Variants in SLC25A42 observed in about 807,000 individuals in gnomAD.
SLC25A42 encodes the protein solute carrier family 25 member 42.
In SLC25A42, 19 loss-of-function variants were observed where a neutral mutation model predicts 34.7. The ratio of observed to expected loss-of-function variants is 0.55; its 90% CI spans 0.38 to 0.80. The LOEUF (loss-of-function observed/expected upper bound fraction) is 0.80. Among genes scored for constraint, SLC25A42 ranks in the 30% least tolerant of loss-of-function variants. SLC25A42 has a pLI of 0.00. For synonymous variants in SLC25A42, 205 were observed against 191.2 expected (o/e 1.07, Z -0.59); for missense variants, 364 against 441.3 (o/e 0.82, Z 1.57).
At chr19:19,068,658 ACT>A (rs1035622190) in intron 1 of SLC25A42, among the ~76,000 whole-genome samples, 3 of 148,936 alleles carry the variant, frequency 2.0e-5, no homozygotes, top group African/African-American at 7.5e-5. Context: ...ACAGGGCAAG[ACT>A]CTGTCTCAAG....
At chr19:19,087,002 T>G (rs1233446605) in intron 1 of SLC25A42, among the ~76,000 whole-genome samples, 1 of 151,546 alleles carries the variant, frequency 6.6e-6, no homozygotes, top group Admixed American at 6.6e-5. Context: ...GAGGGTGAGG[T>G]TACCAGTAAT....
intron 1 of SLC25A42, among the ~76,000 whole-genome samples, chr19:19,085,394 T>A (rs2059702537): frequency 6.6e-6 from 1 of 151,764 alleles, no homozygotes; most frequent in South Asian, 2.1e-4. Context: ...CTTTTTTTTT[T>A]TTTTGGAGAA....
chr19:19,098,260 CT>C (rs2145917857), intron 2 of SLC25A42, among the ~76,000 whole-genome samples: 1 of 152,292 alleles, frequency 6.6e-6, no homozygotes, highest in South Asian at 2.1e-4. Flanking sequence ...CCACTGGTGG[CT>C]ACCTGGAGAG....
At chr19:19,110,421 G>C in intron 7 of SLC25A42, 148 bp from the exon 8 acceptor site, 1 of 545,348 alleles carries the variant, frequency 1.8e-6, no homozygotes. Flanking sequence ...GCGTGTGGGT[G>C]CGCATGAGTG....
chr19:19,069,460 G>A (rs1431629157), intron 1 of SLC25A42, among the ~76,000 whole-genome samples: 2 of 152,194 alleles, frequency 1.3e-5, no homozygotes, highest in Admixed American at 1.3e-4. Context: ...AATGTATCCT[G>A]TCGTAGTTGT....
chr19:19,110,529 TCG>T, intron 7 of SLC25A42, 38 bp from the exon 8 acceptor site: 1 of 1,372,588 alleles, frequency 7.3e-7, no homozygotes, highest in Non-Finnish European at 9.3e-7. Context: ...GCGCGCCCCC[TCG>T]CGGCGCCTTC....
intron 1 of SLC25A42, among the ~76,000 whole-genome samples, chr19:19,076,739 T>C (rs538832855): frequency 1.6e-4 from 25 of 152,342 alleles, no homozygotes; most frequent in African/African-American, 5.8e-4. Flanking sequence ...CTCAGTGAAT[T>C]TTTATGTATA....
At chr19:19,079,373 A>T (rs1599669139) in intron 1 of SLC25A42, among the ~76,000 whole-genome samples, 1 of 151,828 alleles carries the variant, frequency 6.6e-6, no homozygotes, top group Non-Finnish European at 1.5e-5. Flanking sequence ...GAACATTTTC[A>T]TCACCCCCAA....
intron 2 of SLC25A42, among the ~76,000 whole-genome samples, chr19:19,097,253 C>T (rs2059770540): frequency 6.6e-6 from 1 of 152,210 alleles, no homozygotes; most frequent in Admixed American, 6.5e-5. Flanking sequence ...GTGGCGTCAT[C>T]TTCCAGGCCT....
intron 1 of SLC25A42, among the ~76,000 whole-genome samples, chr19:19,083,110 C>A (rs766480019): frequency 2.6e-5 from 4 of 152,118 alleles, no homozygotes; most frequent in Non-Finnish European, 4.4e-5. Context: ...GTGTGAGCCA[C>A]CCAGCTAATT....
intron 1 of SLC25A42, among the ~76,000 whole-genome samples, chr19:19,093,398 A>G (rs1599679166): frequency 1.3e-5 from 2 of 152,244 alleles, no homozygotes; most frequent in Non-Finnish European, 1.5e-5. Context: ...TCCCTTACGC[A>G]TAACCTCTCA....
intron 1 of SLC25A42, among the ~76,000 whole-genome samples, chr19:19,071,828 T>C (rs985430353): frequency 6.6e-6 from 1 of 151,328 alleles, no homozygotes; most frequent in Non-Finnish European, 1.5e-5. Flanking sequence ...ATTGCACCAC[T>C]GCACTCCAGC....
rs773114565 is a variant in SLC25A42 at position 19,109,671 on chromosome 19, G to A, written c.650-898G>A. 2.0e-5 allele frequency among the ~76,000 whole-genome samples: 3 copies of A among 152,188 alleles called. No homozygotes were observed. Among genetic ancestry groups the A allele is most frequent in the Non-Finnish European group, 2.9e-5 (2 of 68,040 alleles). The stretch of plus-strand genomic sequence containing the variant: ...TGGTCTCCAATTCCTGGGCTCAAGT[G>A]ATCCGCCTGCCTTGGCCTCCCAAAG... On this transcript the variant is annotated intron_variant, in intron 7 of 7. Coordinates refer to ENST00000318596, the MANE Select transcript of SLC25A42 (RefSeq NM_178526.5). This position sits in a 1 kb window ranked among gnomAD's most constrained non-coding sequence, Gnocchi z 4.1.
chr19:19,101,674 A>C (rs946930504), intron 2 of SLC25A42, 107 bp from the exon 3 acceptor site: 6 of 959,470 alleles, frequency 6.3e-6, no homozygotes, highest in African/African-American at 3.3e-5. Context: ...GGTGGGGTAC[A>C]TCCCTCGGCC....
In SLC25A42 at chr19:19,101,888, T is replaced by C; in HGVS notation, c.187+2T>C. The C allele has an allele frequency of 1.2e-6, 2 of 1,611,232 alleles. No individual in the cohort carries two copies. ...ACCGAACCAAAATCATCTTCCAAGGTAAGTGTTGGCCATCCCCAGGTGCTA... is the reference window on the plus strand; with the variant it reads ...ACCGAACCAAAATCATCTTCCAAGGCAAGTGTTGGCCATCCCCAGGTGCTA... On this transcript the variant is annotated splice_donor_variant, in intron 3 of 7. Transcript: ENST00000318596. LOFTEE classifies it high-confidence loss of function.
intron 1 of SLC25A42, among the ~76,000 whole-genome samples, chr19:19,073,517 T>C (rs117625830): frequency 0.014 from 2,063 of 152,032 alleles, 26 homozygotes; most frequent in Non-Finnish European, 0.018. Flanking sequence ...CAGCAAATAG[T>C]TGTTGAAGGC....
chr19:19,100,659 G>A (rs1448504216), intron 2 of SLC25A42, among the ~76,000 whole-genome samples: 1 of 152,084 alleles, frequency 6.6e-6, no homozygotes, highest in Non-Finnish European at 1.5e-5. Context: ...ACCTCCTCGC[G>A]GCACCTTCCC....
At chr19:19,106,226 A>AC in intron 5 of SLC25A42, 43 bp from the exon 6 acceptor site, 1 of 1,546,292 alleles carries the variant, frequency 6.5e-7, no homozygotes, top group East Asian at 2.3e-5. Context: ...TGCATCTGCA[A>AC]CCCCCTCACT....
intron 1 of SLC25A42, among the ~76,000 whole-genome samples, chr19:19,069,394 G>A (rs2059618074): frequency 1.3e-5 from 2 of 152,172 alleles, no homozygotes; most frequent in Admixed American, 6.5e-5. Context: ...CTGCATATTC[G>A]TTTCCCGTGG....
Sources: allele counts gnomAD v4.1 joint callset (sites outside exome capture counted in the v4.1 genomes callset), GRCh38; gene constraint gnomAD v4.1.1; non-coding constraint Gnocchi (gnomAD v3.1); transcripts MANE v1.5; gene names NCBI Gene and HGNC (gene_info 2026-07-23, HGNC 2026-07-21).